The following EIF4E3 variants were observed in gnomAD, a reference collection of about 807,000 sequenced individuals.
The protein encoded by EIF4E3 is eukaryotic translation initiation factor 4E type 3.
EIF4E3 carries 26 observed loss-of-function variants against 31.7 expected under a neutral mutation model. The observed-to-expected ratio is 0.82, with a 90% confidence interval of 0.60 to 1.14. EIF4E3 has a LOEUF of 1.14. Ranked by LOEUF, EIF4E3 falls within the 50% of genes most tolerant of loss-of-function variation. The pLI, the probability that EIF4E3 is intolerant of heterozygous loss-of-function variation, is 0.00. For missense variants in EIF4E3, 304 were observed against 270.9 expected, an observed-to-expected ratio of 1.12 and a Z score of -0.86; for synonymous variants, 128 against 107.7, an observed-to-expected ratio of 1.19 and a Z score of -1.17.
the EIF4E3 span, among the ~76,000 whole-genome samples, chr3:71,660,014 G>T: frequency 6.6e-6 from 1 of 152,202 alleles, no homozygotes; most frequent in African/African-American, 2.4e-5. Context: ...AGAATCTGAG[G>T]CCCACTCCTG....
At chr3:71,732,162 C>T (rs1414480650) in intron 1 of EIF4E3, among the ~76,000 whole-genome samples, 2 of 152,116 alleles carry the variant, frequency 1.3e-5, no homozygotes, top group Non-Finnish European at 2.9e-5. Context: ...TGGGCTTACT[C>T]CCCACTTGGT....
chr3:71,750,770 T>G (rs1482391883), intron 1 of EIF4E3, among the ~76,000 whole-genome samples: 2 of 151,608 alleles, frequency 1.3e-5, no homozygotes, highest in South Asian at 2.1e-4. Context: ...TAATTGGTTT[T>G]TTTTTTTTTT....
At chr3:71,686,860 T>C (rs145054494) in intron 6 of EIF4E3, among the ~76,000 whole-genome samples, 35 of 152,292 alleles carry the variant, frequency 2.3e-4, no homozygotes, top group African/African-American at 7.2e-4. Context: ...TGAACAGGTG[T>C]ACTGTCAGCC....
chr3:71,723,257 G>A (rs768721871), intron 1 of EIF4E3, among the ~76,000 whole-genome samples: 1 of 152,146 alleles, frequency 6.6e-6, no homozygotes, highest in African/African-American at 2.4e-5. Flanking sequence ...GGGGAGAGGG[G>A]CACCCTATAT....
intron 6 of EIF4E3, among the ~76,000 whole-genome samples, chr3:71,688,483 T>C (rs780196342): frequency 2.0e-5 from 3 of 152,184 alleles, no homozygotes; most frequent in Non-Finnish European, 2.9e-5. Flanking sequence ...GGATGAGAAG[T>C]TGTGACTTGC....
intron 1 of EIF4E3, among the ~76,000 whole-genome samples, chr3:71,714,471 C>G (rs1446035872): frequency 6.6e-6 from 1 of 152,086 alleles, no homozygotes; most frequent in Admixed American, 6.5e-5. Flanking sequence ...TCTGAATATT[C>G]AGGCTTCAAA....
At chr3:71,726,291 C>A (rs574965476), upstream of EIF4E3, among the ~76,000 whole-genome samples, 1 of 152,304 alleles carries the variant, frequency 6.6e-6, no homozygotes, top group South Asian at 2.1e-4. Flanking sequence ...GGAAAGCGGG[C>A]ACCTGTGAAC....
At chr3:71,726,496 C>A (rs931273782), upstream of EIF4E3, among the ~76,000 whole-genome samples, 3 of 152,244 alleles carry the variant, frequency 2.0e-5, no homozygotes, top group Non-Finnish European at 4.4e-5. Context: ...ATCCTCTTTA[C>A]ACTTGAATTT....
At chr3:71,701,704 T>C (rs1309036362) in intron 2 of EIF4E3, among the ~76,000 whole-genome samples, 1 of 152,218 alleles carries the variant, frequency 6.6e-6, no homozygotes, top group Non-Finnish European at 1.5e-5. Flanking sequence ...ATAATCCTGC[T>C]GGGTTGTTCA....
In EIF4E3 at chr3:71,676,576, C is replaced by G. The variant is rs1464461221; in HGVS notation, c.*8106G>C. Reference sequence around the variant, plus strand: ...TAAAATTTGGCCATGTGATGCATGTCACTGTGTGTTATTGCTTTATTACAC... The same window carrying G: ...TAAAATTTGGCCATGTGATGCATGTGACTGTGTGTTATTGCTTTATTACAC... On this transcript the variant is annotated 3_prime_UTR_variant, in exon 7 of 7. Transcript: ENST00000425534. 10 of 152,066 alleles carry G rather than the reference C, an allele frequency of 6.6e-5. No homozygotes were observed. Among genetic ancestry groups the G allele is most frequent in the Admixed American group, 6.6e-4 (10 of 15,256 alleles). The allele number at this position is 152,066 out of a possible 1,614,324, so 9.4% of individuals were successfully genotyped here.
intron 5 of EIF4E3, 90 bp from the exon 6 acceptor site, chr3:71,690,255 T>A: frequency 7.2e-7 from 1 of 1,385,258 alleles, no homozygotes. Flanking sequence ...ATCTGAAAAT[T>A]AAGGATAAGA....
chr3:71,664,448 A>G, the EIF4E3 span, among the ~76,000 whole-genome samples: 2 of 151,808 alleles, frequency 1.3e-5, no homozygotes, highest in African/African-American at 4.8e-5. Flanking sequence ...CAGCTGTAGG[A>G]ATGGGTCACT....
rs751022382 is a variant in EIF4E3 at position 71,714,242 on chromosome 3, AAAGG to A, written c.177-3762_177-3759del. ...AAAAGAAAGAAAGAAGGGAAGAAGG[AAAGG>A]AAGGAAGGAAGGAAGGAAGGAAGGA... On this transcript the variant is annotated intron_variant, in intron 1 of 6. Transcript: ENST00000425534. Among the ~76,000 whole-genome samples, 430 of 131,990 alleles carry A rather than the reference AAAGG, an allele frequency of 3.3e-3. 2 individuals carry two copies. The highest frequency in any genetic ancestry group is 6.9e-3 in the Middle Eastern group (2 of 288). The allele number at this position is 131,990 out of a possible 152,430, so 86.6% of individuals were successfully genotyped here.
rs569177124 is a variant in EIF4E3, at chr3:71,703,275, C to T, written c.250-3567G>A. ...GTCAGCTTTTGACCACAGCAATCCA[C>T]TCCTTGGGAGGTATGTTCTGGAACA... On this transcript the variant is annotated intron_variant, in intron 2 of 6. Coordinates refer to ENST00000425534, the MANE Select transcript of EIF4E3 (RefSeq NM_001134651.2). 3.3e-5 allele frequency among the ~76,000 whole-genome samples: 5 copies of T among 152,306 alleles called. No homozygotes were observed. The South Asian group carries it at 1.0e-3, about 32-fold the overall frequency.
chr3:71,671,736 C>T (rs1041658874), downstream of EIF4E3, among the ~76,000 whole-genome samples: 1 of 152,028 alleles, frequency 6.6e-6, no homozygotes, highest in Admixed American at 6.6e-5. Context: ...GTGCATGCTG[C>T]CCACATATTA....
At chr3:71,664,924 T>G in the EIF4E3 span, among the ~76,000 whole-genome samples, 1 of 152,168 alleles carries the variant, frequency 6.6e-6, no homozygotes, top group South Asian at 2.1e-4. Flanking sequence ...TGTCTACAGC[T>G]GGAGCATGAA....
chr3:71,754,158 G>T (rs1178324570), upstream of EIF4E3: 3 of 1,457,348 alleles, frequency 2.1e-6, no homozygotes, highest in South Asian at 2.4e-5. The surrounding 1 kb of genome is among the most constrained non-coding windows in gnomAD (Gnocchi z 5.8). Flanking sequence ...AGCGGGCAAC[G>T]TGCTGTTCGC....
the EIF4E3 span, among the ~76,000 whole-genome samples, chr3:71,659,953 G>A: frequency 2.0e-5 from 3 of 152,270 alleles, no homozygotes; most frequent in South Asian, 6.2e-4. Flanking sequence ...TATTCAGCCT[G>A]TGGTTCACAG....
chr3:71,752,633 G>C (rs2049942500), intron 1 of EIF4E3, among the ~76,000 whole-genome samples: 1 of 152,122 alleles, frequency 6.6e-6, no homozygotes, highest in Admixed American at 6.5e-5. Flanking sequence ...GGGATGCAGT[G>C]GTACCAAAAA....
Sources: gnomAD v4.1 joint callset for allele counts (sites outside exome capture counted in the v4.1 genomes callset) on GRCh38, gnomAD v4.1.1 for gene constraint, Gnocchi (gnomAD v3.1) non-coding constraint, MANE v1.5 for transcripts, NCBI Gene and HGNC (gene_info 2026-07-23, HGNC 2026-07-21) for gene names.